The following ATPAF1 variants were observed in gnomAD, a reference collection of about 807,000 sequenced individuals.
The protein encoded by ATPAF1 is ATP synthase mitochondrial F1 complex assembly factor 1.
A neutral mutation model predicts 43.9 loss-of-function variants in ATPAF1; 26 were observed. The ratio of observed to expected loss-of-function variants is 0.59; its 90% CI spans 0.43 to 0.82. The LOEUF is 0.82. Ranked by LOEUF, ATPAF1 falls within the 40% of genes least tolerant of loss-of-function variation. The probability of loss-of-function intolerance (pLI) is 0.00; values close to 1 mark genes in which losing one functional copy is unlikely to be tolerated. For synonymous variants in ATPAF1, 157 were observed against 168.0 expected (o/e 0.93, Z 0.50); for missense variants, 366 against 435.0 (o/e 0.84, Z 1.41).
At chr1:46,635,618 A>G (rs1429831854) in exon 9 of ATPAF1, 2 of 636,398 alleles carry the variant, frequency 3.1e-6, no homozygotes, top group Non-Finnish European at 2.7e-6. Flanking sequence ...AATATCAAGT[A>G]ATAGGGCTCA....
At chr1:46,659,213 A>T (rs2148824736) in intron 2 of ATPAF1, among the ~76,000 whole-genome samples, 1 of 152,240 alleles carries the variant, frequency 6.6e-6, no homozygotes, top group South Asian at 2.1e-4. Context: ...AAATAAATAA[A>T]AAGAAATAAA....
At chr1:46,633,395 T>C (rs1675784834), downstream of ATPAF1, 3 of 213,976 alleles carry the variant, frequency 1.4e-5, no homozygotes, top group South Asian at 1.8e-4. Flanking sequence ...ATGAGGTAGA[T>C]ATTATTATCC....
intron 2 of ATPAF1, among the ~76,000 whole-genome samples, chr1:46,664,293 TATCTCTTCAGCACA>T (rs1676450798): frequency 6.6e-6 from 1 of 152,204 alleles, no homozygotes; most frequent in Admixed American, 6.5e-5. Flanking sequence ...TAAATGGTAT[TATCTCTTCAGCACA>T]ACTCTGTGAA....
chr1:46,651,148 A>C (rs1379712412), intron 6 of ATPAF1, among the ~76,000 whole-genome samples: 54 of 135,298 alleles, frequency 4.0e-4, no homozygotes, highest in African/African-American at 6.8e-4. Flanking sequence ...ATCCCTCCCC[A>C]CTCCCCCCAC....
Position 46,652,644 on chromosome 1 carries a change from G to A in ATPAF1, c.541-16C>T. On this transcript the variant is annotated splice_polypyrimidine_tract_variant and intron_variant, in intron 5 of 8. Transcript: ENST00000574428. ...ACTTTTCTGCCTGTAGGTTGGAAAA[G>A]AATAAAGTTAACCTACACATAGTAA... 6.2e-7 allele frequency: 1 copy of A among 1,610,210 alleles called. No individual in the cohort carries two copies. The highest frequency in any genetic ancestry group is 8.5e-7 in the Non-Finnish European group (1 of 1,177,466).
intron 7 of ATPAF1, among the ~76,000 whole-genome samples, chr1:46,644,327 C>A (rs1676000051): frequency 6.6e-6 from 1 of 152,044 alleles, no homozygotes; most frequent in Non-Finnish European, 1.5e-5. Flanking sequence ...ACATCTGAGG[C>A]CACTTTCTTC....
intron 4 of ATPAF1, among the ~76,000 whole-genome samples, chr1:46,655,939 T>C (rs1327182802): frequency 6.6e-6 from 1 of 152,252 alleles, no homozygotes; most frequent in Non-Finnish European, 1.5e-5. Flanking sequence ...TATGGATCTA[T>C]TTCCCTCACT....
intron 6 of ATPAF1, among the ~76,000 whole-genome samples, chr1:46,650,282 G>A (rs146742226): frequency 1.1e-3 from 166 of 151,886 alleles, no homozygotes; most frequent in Admixed American, 4.5e-3. Flanking sequence ...CCAGCACTTC[G>A]GGAGTCTGAG....
At chr1:46,664,139 CA>C (rs1001744062) in intron 2 of ATPAF1, among the ~76,000 whole-genome samples, 1 of 152,004 alleles carries the variant, frequency 6.6e-6, no homozygotes, top group Admixed American at 6.5e-5. Flanking sequence ...TGGTCATGGT[CA>C]AAAAGTTTGA....
intron 6 of ATPAF1, among the ~76,000 whole-genome samples, chr1:46,649,462 T>C (rs1676122998): frequency 6.6e-6 from 1 of 152,226 alleles, no homozygotes; most frequent in Non-Finnish European, 1.5e-5. Flanking sequence ...AATCAGGAAA[T>C]GTAAGTCCTC....
In ATPAF1 at chr1:46,651,243, T is replaced by G. The variant is rs1490059877; in HGVS notation, c.588+1338A>C. Among the ~76,000 whole-genome samples, 118 of 151,250 alleles carry G rather than the reference T, an allele frequency of 7.8e-4. 1 individual carries two copies. The highest frequency in any genetic ancestry group is 5.9e-4 in the Admixed American group (9 of 15,174). ...CGATTCCCACCTATGAGTGAGAACATGCGGTGTTTGGTTTTTTGTTCTTGC... is the reference window on the plus strand; with the variant it reads ...CGATTCCCACCTATGAGTGAGAACAGGCGGTGTTTGGTTTTTTGTTCTTGC... On this transcript the variant is annotated intron_variant, in intron 6 of 8. Coordinates refer to ENST00000574428, the Ensembl canonical transcript of ATPAF1.
intron 2 of ATPAF1, among the ~76,000 whole-genome samples, chr1:46,663,429 T>A (rs575966140): frequency 6.6e-6 from 1 of 152,354 alleles, no homozygotes; most frequent in Admixed American, 6.5e-5. Flanking sequence ...TTTCTCCACA[T>A]CCTCTCCAGC....
At chr1:46,665,047 C>T (rs1676464200) in intron 2 of ATPAF1, 1 of 546,766 alleles carries the variant, frequency 1.8e-6, no homozygotes, top group Admixed American at 3.1e-5. Context: ...AGGAAGTACC[C>T]CTCTCATACT....
chr1:46,665,341 G>A (rs758883524), exon 2 of ATPAF1: 1 of 1,614,208 alleles, frequency 6.2e-7, no homozygotes, highest in Non-Finnish European at 8.5e-7. Flanking sequence ...CTCCAGGCGG[G>A]ACTCAAAAGC....
chr1:46,638,638 G>T (rs897476864), intron 8 of ATPAF1, among the ~76,000 whole-genome samples: 1 of 142,824 alleles, frequency 7.0e-6, no homozygotes, highest in African/African-American at 2.6e-5. Context: ...AAAAAAAAAA[G>T]TTTTTGAAGA....
chr1:46,662,156 AGT>A (rs1227722195), intron 2 of ATPAF1, among the ~76,000 whole-genome samples: 3 of 152,074 alleles, frequency 2.0e-5, no homozygotes, highest in African/African-American at 7.2e-5. Context: ...GGCCTCCCAA[AGT>A]GCTGGCATTA....
At chr1:46,635,852 A>G (rs1675827791) in exon 9 of ATPAF1, 4 of 1,614,244 alleles carry the variant, frequency 2.5e-6, no homozygotes, top group Admixed American at 1.7e-5. Context: ...GATGACAGAC[A>G]TATATTTGAA....
intron 1 of ATPAF1, 82 bp downstream of exon 1, chr1:46,667,975 C>T: frequency 8.6e-7 from 1 of 1,165,466 alleles, no homozygotes; most frequent in Non-Finnish European, 1.1e-6. Context: ...GTGCCCACCT[C>T]ACAGGGCTGT....
intron 4 of ATPAF1, among the ~76,000 whole-genome samples, chr1:46,654,528 T>TTATTATTA (rs1553218333): frequency 8.1e-5 from 11 of 135,262 alleles, no homozygotes; most frequent in East Asian, 2.7e-4. Flanking sequence ...TATTTATTTA[T>TTATTATTA]TTATTATTAT....
Sources: gnomAD v4.1 joint callset for allele counts (sites outside exome capture counted in the v4.1 genomes callset) on GRCh38, gnomAD v4.1.1 for gene constraint, MANE v1.5 for transcripts, NCBI Gene and HGNC (gene_info 2026-07-23, HGNC 2026-07-21) for gene names.